The following NFX1 variants were observed in gnomAD, a reference collection of about 807,000 sequenced individuals.
NFX1 encodes nuclear transcription factor, X-box binding 1.
NFX1 carries 69 observed loss-of-function variants against 137.2 expected under a neutral mutation model. The ratio of observed to expected loss-of-function variants is 0.50; its 90% CI spans 0.41 to 0.61. NFX1 has a LOEUF of 0.61. Ranked by LOEUF, NFX1 falls within the 20% of genes least tolerant of loss-of-function variation. NFX1 has a pLI of 0.00. For missense variants in NFX1, 1,167 were observed against 1,391.0 expected, an observed-to-expected ratio of 0.84 and a Z score of 2.56; for synonymous variants, 495 against 474.1, an observed-to-expected ratio of 1.04 and a Z score of -0.57.
intron 19 of NFX1, among the ~76,000 whole-genome samples, chr9:33,360,250 A>T (rs892277422): frequency 1.1e-4 from 16 of 152,214 alleles, no homozygotes; most frequent in African/African-American, 3.6e-4. Context: ...TCTGGATTTG[A>T]ATCCTGGCTT....
rs1165990398 is a variant in NFX1, at chr9:33,303,187, A to G, written c.1193-4A>G. The G allele has an allele frequency of 6.2e-7, 1 of 1,613,456 alleles. No homozygotes were observed. Among genetic ancestry groups the G allele is most frequent in the Middle Eastern group, 1.7e-4 (1 of 6,056 alleles). On this transcript the variant is annotated splice_polypyrimidine_tract_variant and splice_region_variant and intron_variant, in intron 3 of 23. Coordinates refer to ENST00000379540, the MANE Select transcript of NFX1 (RefSeq NM_002504.6). ...ATTTGGCCTACTCCCATTTTTCCTG[A>G]CAGATGGCCAGAGTGGTTGGAGGTG... is the stretch of plus-strand genomic sequence containing the variant.
chr9:33,335,292 G>T (rs1179822654), intron 11 of NFX1, among the ~76,000 whole-genome samples: 1 of 144,780 alleles, frequency 6.9e-6, no homozygotes, highest in East Asian at 2.0e-4. Flanking sequence ...GTGCAGTGGC[G>T]CAATCTCAGC....
chr9:33,355,850 G>A (rs1823793299), intron 19 of NFX1, among the ~76,000 whole-genome samples: 2 of 151,910 alleles, frequency 1.3e-5, no homozygotes, highest in South Asian at 4.2e-4. Flanking sequence ...TCACCATGTT[G>A]GCCAGGCTGG....
intron 10 of NFX1, among the ~76,000 whole-genome samples, chr9:33,331,020 G>T: frequency 6.6e-6 from 1 of 152,066 alleles, no homozygotes; most frequent in Non-Finnish European, 1.5e-5. Context: ...CAAAAAATTA[G>T]CCAGGCACGG....
At chr9:33,301,564 C>T in intron 3 of NFX1, 143 bp downstream of exon 3, 3 of 737,000 alleles carry the variant, frequency 4.1e-6, no homozygotes, top group Non-Finnish European at 6.2e-6. Flanking sequence ...TCATGTGTTT[C>T]ATATGACCAG....
At chr9:33,325,965 T>A (rs1822570345) in intron 9 of NFX1, among the ~76,000 whole-genome samples, 1 of 152,162 alleles carries the variant, frequency 6.6e-6, no homozygotes, top group South Asian at 2.1e-4. Context: ...TGTATAAAAT[T>A]ATATTTTAGG....
intron 2 of NFX1, among the ~76,000 whole-genome samples, chr9:33,299,045 G>A (rs1340042364): frequency 1.3e-5 from 2 of 152,200 alleles, no homozygotes; most frequent in Admixed American, 6.5e-5. Flanking sequence ...TCTGTAAAAT[G>A]TTTCAGTTTG....
chr9:33,350,954 A>G (rs1222466647), intron 15 of NFX1, among the ~76,000 whole-genome samples: 1 of 152,118 alleles, frequency 6.6e-6, no homozygotes, highest in Non-Finnish European at 1.5e-5. Flanking sequence ...AAGACCAGCC[A>G]TCTGGCCAAC....
rs1169637790 is a variant in NFX1 at position 33,371,147 on chromosome 9, ATTTAAC to A, written c.*1174_*1179del. ...AACAAGCACTTAATTAAATTATAAA[ATTTAAC>A]TTTATAGGGCTGCCTTTTGGTGTTT... On this transcript the variant is annotated 3_prime_UTR_variant, in exon 24 of 24. Coordinates refer to ENST00000379540, the MANE Select transcript of NFX1 (RefSeq NM_002504.6). 3 of 152,194 alleles carry A rather than the reference ATTTAAC, an allele frequency of 2.0e-5. No homozygotes were observed. Among genetic ancestry groups the A allele is most frequent in the Admixed American group, 6.5e-5 (1 of 15,280 alleles). The allele number at this position is 152,194 out of a possible 1,614,324, so 9.4% of individuals were successfully genotyped here.
intron 18 of NFX1, among the ~76,000 whole-genome samples, 180 bp from the exon 19 acceptor site, chr9:33,354,671 G>A (rs1043740097): frequency 2.0e-5 from 3 of 152,212 alleles, no homozygotes; most frequent in African/African-American, 7.2e-5. Flanking sequence ...TATTTCTAGG[G>A]CAAGGTTACT....
rs1218073013 is a variant in NFX1 at position 33,318,940 on chromosome 9, G to C, written c.1719G>C (p.Ser573=). Residue 573 remains serine (S), a synonymous_variant, in exon 9 of 24, where the codon TCG becomes TCC. Coordinates refer to ENST00000379540, the MANE Select transcript of NFX1 (RefSeq NM_002504.6). ...KDLKCGNHTC[S]QVCHPQPCQQ... ...TGAAATGCGGTAACCATACATGTTC[G>C]CAAGTGTGCCACCCTCAGCCCTGCC... 1.9e-6 allele frequency: 3 copies of C among 1,614,200 alleles called. No homozygotes were observed. The highest frequency in any genetic ancestry group is 2.5e-6 in the Non-Finnish European group (3 of 1,180,038).
intron 14 of NFX1, 68 bp downstream of exon 14, chr9:33,344,256 C>T: frequency 6.3e-7 from 1 of 1,594,110 alleles, no homozygotes. Context: ...TGCTGTGTTA[C>T]TGTCTTCACT....
Position 33,342,741 on chromosome 9 carries a change from C to G in NFX1, c.2116-5C>G. ...TTATGAACAAATATAAATCTCTTTT[C>G]CCAGGATAAGGAGCACAAGTGTCCT... On this transcript the variant is annotated splice_polypyrimidine_tract_variant and splice_region_variant and intron_variant, in intron 12 of 23. Coordinates refer to ENST00000379540, the MANE Select transcript of NFX1 (RefSeq NM_002504.6). 6.3e-7 allele frequency: 1 copy of G among 1,593,198 alleles called. No individual in the cohort carries two copies. Among genetic ancestry groups the G allele is most frequent in the Non-Finnish European group, 8.5e-7 (1 of 1,170,058 alleles).
chr9:33,318,816 A>G lies in NFX1; in HGVS notation c.1674A>G (p.Leu558=), dbSNP rs1197789142. ...KSDGFGDFSC[L]KICGKDLKCG... The stretch of plus-strand genomic sequence containing the variant: ...ATGGATTTGGGGATTTCAGCTGTTT[A>G]AAGATATGTGGCAAGTAAGGTTTTA... Residue 558 remains leucine, a synonymous_variant, in exon 8 of 24, where the codon TTA becomes TTG. Coordinates refer to ENST00000379540, the MANE Select transcript of NFX1 (RefSeq NM_002504.6). The G allele has an allele frequency of 6.2e-7, 1 of 1,614,202 alleles. No individual in the cohort carries two copies. The highest frequency in any genetic ancestry group is 1.7e-5 in the Admixed American group (1 of 60,022).
At chr9:33,296,360 T>C (rs1053818050) in intron 2 of NFX1, among the ~76,000 whole-genome samples, 9 of 152,214 alleles carry the variant, frequency 5.9e-5, no homozygotes, top group Admixed American at 4.6e-4. Flanking sequence ...TGTCTTTGCA[T>C]GGTGTTGCAT....
chr9:33,362,968 T>A (rs1178900676), intron 19 of NFX1, among the ~76,000 whole-genome samples: 3 of 151,982 alleles, frequency 2.0e-5, no homozygotes, highest in African/African-American at 7.2e-5. Context: ...CCTCCCAAAG[T>A]GCTGGGATTA....
chr9:33,368,373 T>C (rs1304733935), intron 23 of NFX1, among the ~76,000 whole-genome samples: 1 of 152,202 alleles, frequency 6.6e-6, no homozygotes, highest in East Asian at 1.9e-4. Context: ...AACAAACATA[T>C]TCATGATTTA....
At chr9:33,324,712 G>A (rs1375591136) in intron 9 of NFX1, among the ~76,000 whole-genome samples, 1 of 152,044 alleles carries the variant, frequency 6.6e-6, no homozygotes, top group Non-Finnish European at 1.5e-5. Context: ...CGAATCACGA[G>A]GTCAGGAGAT....
chr9:33,294,517 T>A lies in NFX1; in HGVS notation c.123T>A (p.Asn41Lys). ...GGACTCAAAGGAGACTAGACTCTAA[T>A]AGGATTGGTAGAAGAAATTACAGTT... ...NCGTQRRLDS[N>K]RIGRRNYSSP... The change falls in exon 2 of 24, where the codon AAT (asparagine) becomes AAA (lysine). Residue 41 changes from asparagine (N) to lysine (K), a missense_variant. By Grantham distance (94) the Asn-to-Lys change is moderately conservative. Coordinates refer to ENST00000379540, the MANE Select transcript of NFX1 (RefSeq NM_002504.6). 3 of 1,614,164 alleles carry A rather than the reference T, an allele frequency of 1.9e-6. No homozygotes were observed. Among genetic ancestry groups the A allele is most frequent in the Non-Finnish European group, 2.5e-6 (3 of 1,180,026 alleles).
Sources: gnomAD v4.1 joint callset for allele counts (sites outside exome capture counted in the v4.1 genomes callset) on GRCh38, gnomAD v4.1.1 for gene constraint, MANE v1.5 for transcripts, NCBI Gene and HGNC (gene_info 2026-07-23, HGNC 2026-07-21) for gene names.